Variants in COLEC12 observed in about 807,000 individuals in gnomAD.
COLEC12 encodes collectin-12.
A neutral mutation model predicts 71.1 loss-of-function variants in COLEC12; 33 were observed. The observed-to-expected ratio is 0.46, with a 90% CI of 0.35 to 0.62. The LOEUF is 0.62. Ranked by LOEUF, COLEC12 falls within the 20% of genes least tolerant of loss-of-function variation. COLEC12 has a pLI of 0.00. For synonymous variants in COLEC12, 350 were observed against 353.0 expected, an observed-to-expected ratio of 0.99 and a Z score of 0.10; for missense variants, 765 against 916.1, an observed-to-expected ratio of 0.84 and a Z score of 2.13.
chr18:453,755 C>T (rs1189009895), intron 2 of COLEC12, among the ~76,000 whole-genome samples: 4 of 152,198 alleles, frequency 2.6e-5, no homozygotes, highest in Non-Finnish European at 4.4e-5. Context: ...TAATAAGCAT[C>T]GCAAACTTGA....
At chr18:325,695 G>A (rs367822584) in intron 8 of COLEC12, among the ~76,000 whole-genome samples, 4 of 76,902 alleles carry the variant, frequency 5.2e-5, no homozygotes, top group African/African-American at 2.0e-4. Context: ...AAAGAAAAAA[G>A]AAAAAAAGCC....
intron 2 of COLEC12, among the ~76,000 whole-genome samples, chr18:456,291 T>C (rs1041862115): frequency 6.6e-5 from 10 of 152,220 alleles, no homozygotes; most frequent in Non-Finnish European, 1.3e-4. Context: ...CTTGGTGCTA[T>C]GCTGTCTCTA....
At chr18:343,976 C>T (rs1042160393) in intron 5 of COLEC12, among the ~76,000 whole-genome samples, 1 of 152,210 alleles carries the variant, frequency 6.6e-6, no homozygotes. Context: ...CAAATACTAG[C>T]TTTTCATGTC....
chr18:319,976 G>A lies in COLEC12; in HGVS notation c.*69C>T, dbSNP rs1913663329. 2 of 857,544 alleles carry A rather than the reference G, an allele frequency of 2.3e-6. No individual in the cohort carries two copies. Among genetic ancestry groups the A allele is most frequent in the African/African-American group, 1.8e-5 (1 of 56,800 alleles). 53.1% of individuals were successfully genotyped at this position (857,544 alleles called of 1,614,324 possible). On this transcript the variant is annotated 3_prime_UTR_variant, in exon 10 of 10. Transcript: ENST00000400256. ...TTTTTCAATCTGATGAGAAGGTGATGCAATTAGAAAGGAGTGTCCTTTGCC... is the reference window on the plus strand; with the variant it reads ...TTTTTCAATCTGATGAGAAGGTGATACAATTAGAAAGGAGTGTCCTTTGCC...
intron 2 of COLEC12, among the ~76,000 whole-genome samples, chr18:358,162 T>C (rs1398911532): frequency 6.6e-6 from 1 of 152,088 alleles, no homozygotes; most frequent in Non-Finnish European, 1.5e-5. Context: ...ATGAAACTGG[T>C]CCCTGGTTCC....
At chr18:471,864 C>T (rs1917205267) in intron 2 of COLEC12, among the ~76,000 whole-genome samples, 2 of 151,996 alleles carry the variant, frequency 1.3e-5, no homozygotes, top group South Asian at 2.1e-4. Flanking sequence ...TAACTAATTT[C>T]GAAAAGGACT....
chr18:371,433 T>C (rs1042490306), intron 2 of COLEC12, among the ~76,000 whole-genome samples: 16 of 152,226 alleles, frequency 1.1e-4, no homozygotes, highest in African/African-American at 3.9e-4. Context: ...ACGCCGCAAC[T>C]GGGCACAAAT....
At chr18:338,984 A>ATTTTTTTTTTTTTTTTTTTTTTTTTTT (rs33991062) in intron 5 of COLEC12, among the ~76,000 whole-genome samples, 1 of 144,490 alleles carries the variant, frequency 6.9e-6, no homozygotes, top group Admixed American at 7.1e-5. Flanking sequence ...TATTGTCTTA[A>ATTTTTTTTTTTTTTTTTTTTTTTTTTT]TTTTTTTTTT....
Position 480,305 on chromosome 18 carries a change from A to G in COLEC12, c.58+402T>C, listed in dbSNP as rs931290088. Among the ~76,000 whole-genome samples the G allele has an allele frequency of 6.6e-6, 1 of 152,048 alleles. No homozygotes were observed. Among genetic ancestry groups the G allele is most frequent in the African/African-American group, 2.4e-5 (1 of 41,382 alleles). ...GATTCTTGGAAGAAGTCTCCCTCTC[A>G]CTCATCCATGAACACTGGGTTAGGA... On this transcript the variant is annotated intron_variant, in intron 2 of 9. Coordinates refer to ENST00000400256, the MANE Select transcript of COLEC12 (RefSeq NM_130386.3). The surrounding 1 kb of genome is among the most constrained non-coding windows in gnomAD (Gnocchi z 4.1).
intron 2 of COLEC12, among the ~76,000 whole-genome samples, chr18:420,871 T>A (rs1916085081): frequency 1.8e-5 from 1 of 55,192 alleles, no homozygotes; most frequent in Middle Eastern, 9.8e-3. Context: ...CTAACCAACC[T>A]AGAGCCACAC....
chr18:348,171 T>G lies in COLEC12; in HGVS notation c.182-8A>C, dbSNP rs756029170. On this transcript the variant is annotated splice_polypyrimidine_tract_variant and splice_region_variant and intron_variant, in intron 3 of 9. Transcript: ENST00000400256. ...TGTCCATTTTCTCTACAACTAAGAT[T>G]TGGAAAATGATGCATTAGTATACAT... 1.9e-6 allele frequency: 3 copies of G among 1,588,882 alleles called. No individual in the cohort carries two copies. The highest frequency in any genetic ancestry group is 1.7e-5 in the Admixed American group (1 of 59,878).
intron 2 of COLEC12, among the ~76,000 whole-genome samples, chr18:431,309 C>A (rs975253651): frequency 6.6e-6 from 1 of 152,112 alleles, no homozygotes; most frequent in Non-Finnish European, 1.5e-5. Context: ...AACCTATACA[C>A]ATTTTATAAT....
intron 3 of COLEC12, among the ~76,000 whole-genome samples, chr18:351,419 A>G (rs1192380068): frequency 6.6e-6 from 1 of 151,758 alleles, no homozygotes; most frequent in East Asian, 1.9e-4. Context: ...TTTCTCTATT[A>G]TGGGACTCAC....
At chr18:329,992 G>A (rs558137857) in intron 8 of COLEC12, among the ~76,000 whole-genome samples, 2 of 152,228 alleles carry the variant, frequency 1.3e-5, no homozygotes, top group South Asian at 4.2e-4. Flanking sequence ...TGGGAGGATC[G>A]CTTGAGCTGG....
At chr18:483,727 C>T (rs1917467755) in intron 1 of COLEC12, among the ~76,000 whole-genome samples, 1 of 152,212 alleles carries the variant, frequency 6.6e-6, no homozygotes, top group Non-Finnish European at 1.5e-5. Context: ...CCTATTAATG[C>T]TTGATGTGGT....
At chr18:498,168 T>C (rs917843617) in intron 1 of COLEC12, among the ~76,000 whole-genome samples, 3 of 152,148 alleles carry the variant, frequency 2.0e-5, no homozygotes, top group Non-Finnish European at 4.4e-5. Flanking sequence ...AGGATTGAAA[T>C]GTCTACTCTC....
At chr18:442,687 C>T (rs980060406) in intron 2 of COLEC12, among the ~76,000 whole-genome samples, 2 of 152,244 alleles carry the variant, frequency 1.3e-5, no homozygotes, top group Non-Finnish European at 2.9e-5. Context: ...GTCAGCCGGG[C>T]GCAGTGGCTC....
chr18:428,520 A>G (rs1353522120), intron 2 of COLEC12, among the ~76,000 whole-genome samples: 2 of 152,218 alleles, frequency 1.3e-5, no homozygotes, highest in South Asian at 2.1e-4. Context: ...TGGATGGCTC[A>G]ACCATCTGCT....
At chr18:356,625 C>A (rs1914633729) in intron 3 of COLEC12, among the ~76,000 whole-genome samples, 1 of 152,194 alleles carries the variant, frequency 6.6e-6, no homozygotes, top group Non-Finnish European at 1.5e-5. Flanking sequence ...TGTTCTGAAA[C>A]CAAATGGCCG....
Sources: gnomAD v4.1 joint callset for allele counts (sites outside exome capture counted in the v4.1 genomes callset) on GRCh38, gnomAD v4.1.1 for gene constraint, Gnocchi (gnomAD v3.1) non-coding constraint, MANE v1.5 for transcripts, NCBI Gene and HGNC (gene_info 2026-07-23, HGNC 2026-07-21) for gene names.